Variants in NLGN1 observed in about 807,000 individuals in gnomAD.
The protein encoded by NLGN1 is neuroligin 1.
In NLGN1, 12 loss-of-function variants were observed where a neutral mutation model predicts 65.5. That is an observed-to-expected ratio of 0.18 (90% CI 0.12 to 0.30). The LOEUF is 0.30. NLGN1 is among the 10% of genes least tolerant of loss of function. The pLI is 1.00. For synonymous variants in NLGN1, 350 were observed against 359.5 expected (o/e 0.97, Z 0.30); for missense variants, 750 against 1,007.1 (o/e 0.74, Z 3.46).
At chr3:173,750,188 G>T (rs1776123110) in intron 3 of NLGN1, among the ~76,000 whole-genome samples, 1 of 152,022 alleles carries the variant, frequency 6.6e-6, no homozygotes, top group African/African-American at 2.4e-5. Context: ...CATATAGGCA[G>T]ATCTACCCTC....
chr3:174,179,211 G>A (rs908600590), intron 4 of NLGN1, among the ~76,000 whole-genome samples: 1 of 152,016 alleles, frequency 6.6e-6, no homozygotes, highest in Non-Finnish European at 1.5e-5. Flanking sequence ...GCCTAGATAA[G>A]ATTAAATTGA....
chr3:173,941,591 T>C (rs1243310207), intron 4 of NLGN1, among the ~76,000 whole-genome samples: 1 of 152,148 alleles, frequency 6.6e-6, no homozygotes, highest in African/African-American at 2.4e-5. Context: ...ATGCTGGATG[T>C]TCAAATAAAC....
intron 3 of NLGN1, among the ~76,000 whole-genome samples, chr3:173,672,031 G>A (rs929703515): frequency 5.3e-5 from 8 of 152,012 alleles, no homozygotes; most frequent in Admixed American, 2.6e-4. Flanking sequence ...AAAATTAGCC[G>A]GGCGTGGTGG....
At chr3:174,147,582 T>C (rs1323415860) in intron 4 of NLGN1, among the ~76,000 whole-genome samples, 1 of 151,684 alleles carries the variant, frequency 6.6e-6, no homozygotes, top group African/African-American at 2.4e-5. Flanking sequence ...TACAGGCGGC[T>C]GCCACCACGC....
chr3:173,648,182 T>C (rs1758573967), intron 3 of NLGN1, among the ~76,000 whole-genome samples: 1 of 151,948 alleles, frequency 6.6e-6, no homozygotes, highest in African/African-American at 2.4e-5. Flanking sequence ...AAAATTTAAA[T>C]CAAATGACTT....
At position 174,144,882 on chromosome 3, in the gene NLGN1, G is replaced by A. The variant is rs185420407; in HGVS notation, c.647-130433G>A. On this transcript the variant is annotated intron_variant, in intron 4 of 6. Coordinates refer to ENST00000457714, the Ensembl canonical transcript of NLGN1. ...GTTCACTCTAATGATAGTTTCTTTT[G>A]CTGTGCAGAAGCTCTTTAGTTTAAT... Among the ~76,000 whole-genome samples the A allele has an allele frequency of 7.4e-4, 112 of 152,126 alleles. 2 individuals are homozygous for A. The East Asian group carries it at 0.014, about 19-fold the overall frequency.
chr3:173,611,161 G>A (rs1456778017), intron 3 of NLGN1, among the ~76,000 whole-genome samples: 10 of 152,020 alleles, frequency 6.6e-5, no homozygotes, highest in Admixed American at 3.9e-4. Flanking sequence ...ATTGTTTGAT[G>A]TGTAATGTTA....
chr3:173,701,513 C>CT (rs945557345), intron 3 of NLGN1, among the ~76,000 whole-genome samples: 2 of 152,134 alleles, frequency 1.3e-5, no homozygotes, highest in Non-Finnish European at 2.9e-5. Context: ...CCCTGCAATA[C>CT]TTTGATTTTA....
chr3:173,450,008 C>T (rs1379427601), intron 2 of NLGN1, among the ~76,000 whole-genome samples: 1 of 152,276 alleles, frequency 6.6e-6, no homozygotes, highest in East Asian at 1.9e-4. Flanking sequence ...GGTGTTGACT[C>T]TTTATCCAAT....
intron 2 of NLGN1, among the ~76,000 whole-genome samples, chr3:173,436,822 A>G (rs1425852623): frequency 2.6e-5 from 4 of 152,184 alleles, no homozygotes; most frequent in African/African-American, 9.7e-5. Flanking sequence ...TCTAGCAGTT[A>G]CTACATCTTT....
intron 3 of NLGN1, among the ~76,000 whole-genome samples, chr3:173,714,863 GT>G (rs1304687311): frequency 2.0e-5 from 3 of 152,090 alleles, no homozygotes; most frequent in African/African-American, 7.2e-5. Context: ...AATGAGAAGG[GT>G]TTTGTCCTGA....
chr3:173,644,379 G>T, intron 3 of NLGN1: 1 of 155,774 alleles, frequency 6.4e-6, no homozygotes, highest in South Asian at 2.1e-4. Context: ...CTTCATTTAT[G>T]ACACCTCCAT....
chr3:174,106,307 A>G (rs1329601034), intron 4 of NLGN1, among the ~76,000 whole-genome samples: 1 of 152,128 alleles, frequency 6.6e-6, no homozygotes, highest in East Asian at 1.9e-4. Flanking sequence ...TCAAAAATTC[A>G]GGATCAGTTA....
At chr3:174,187,766 C>G (rs1359013250) in intron 4 of NLGN1, among the ~76,000 whole-genome samples, 1 of 152,004 alleles carries the variant, frequency 6.6e-6, no homozygotes, top group Non-Finnish European at 1.5e-5. Flanking sequence ...GGTCTCTACT[C>G]TCACAGGAGT....
At chr3:174,042,688 A>G (rs1732616423) in intron 4 of NLGN1, among the ~76,000 whole-genome samples, 1 of 152,204 alleles carries the variant, frequency 6.6e-6, no homozygotes, top group African/African-American at 2.4e-5. Flanking sequence ...GTTTTATTTC[A>G]TTTGTAAACT....
intron 4 of NLGN1, among the ~76,000 whole-genome samples, chr3:174,247,934 A>G (rs535489923): frequency 1.3e-5 from 2 of 152,246 alleles, no homozygotes; most frequent in Non-Finnish European, 2.9e-5. Flanking sequence ...TGAAAAAGAT[A>G]ATAATCCATA....
chr3:173,622,859 A>G (rs918449287), intron 3 of NLGN1, among the ~76,000 whole-genome samples: 1 of 152,134 alleles, frequency 6.6e-6, no homozygotes, highest in Admixed American at 6.6e-5. Flanking sequence ...GAACAAAATT[A>G]CTAACTGACC....
chr3:173,879,649 T>A (rs905640915), intron 4 of NLGN1, among the ~76,000 whole-genome samples: 9 of 151,940 alleles, frequency 5.9e-5, no homozygotes, highest in African/African-American at 1.7e-4. Context: ...TTTTTTTTTT[T>A]ATCTAATTTG....
intron 4 of NLGN1, among the ~76,000 whole-genome samples, chr3:174,270,176 ATTTG>A (rs10547986): frequency 0.35 from 29,902 of 86,528 alleles, 3,237 homozygotes; most frequent in Middle Eastern, 0.41. Flanking sequence ...ATGTAGTCTT[ATTTG>A]TTTATTTTTT....
Sources: allele counts gnomAD v4.1 joint callset (sites outside exome capture counted in the v4.1 genomes callset), GRCh38; gene constraint gnomAD v4.1.1; transcripts MANE v1.5; gene names NCBI Gene and HGNC (gene_info 2026-07-23, HGNC 2026-07-21).